MECOM: variants seen among roughly 807,000 people sequenced by gnomAD.
The protein encoded by MECOM is MDS1 and EVI1 complex locus.
In MECOM, 13 loss-of-function variants were observed where a neutral mutation model predicts 116.3. That is an observed-to-expected ratio of 0.11 (90% CI 0.07 to 0.18). MECOM has a LOEUF of 0.18. Ranked by LOEUF, MECOM falls within the 10% of genes least tolerant of loss-of-function variation. The pLI is 1.00. For synonymous variants in MECOM, 528 were observed against 535.2 expected (o/e 0.99, Z 0.19); for missense variants, 1,299 against 1,509.0 (o/e 0.86, Z 2.31).
At chr3:169,236,983 T>C (rs1303527512) in intron 2 of MECOM, among the ~76,000 whole-genome samples, 1 of 152,246 alleles carries the variant, frequency 6.6e-6, no homozygotes, top group African/African-American at 2.4e-5. Flanking sequence ...CTCTCAACTG[T>C]GACCTTTCAC....
chr3:169,089,860 A>G, intron 15 of MECOM, 140 bp downstream of exon 15: 1 of 1,334,114 alleles, frequency 7.5e-7, no homozygotes, highest in East Asian at 2.4e-5. Flanking sequence ...ATCTATTTAA[A>G]TCTGATCCAC....
At chr3:169,126,539 T>A (rs1463806700) in intron 5 of MECOM, among the ~76,000 whole-genome samples, 6 of 152,108 alleles carry the variant, frequency 3.9e-5, no homozygotes, top group Non-Finnish European at 7.4e-5. Context: ...AATTGATTTA[T>A]TCTCTATGAA....
At chr3:169,558,798 C>T (rs1338628146) in intron 1 of MECOM, among the ~76,000 whole-genome samples, 2 of 152,086 alleles carry the variant, frequency 1.3e-5, no homozygotes, top group Non-Finnish European at 2.9e-5. Flanking sequence ...TACTCTCATC[C>T]TTAAGATTCC....
intron 1 of MECOM, among the ~76,000 whole-genome samples, chr3:169,400,336 G>A (rs943266251): frequency 3.9e-5 from 6 of 152,112 alleles, no homozygotes; most frequent in Admixed American, 6.6e-5. Flanking sequence ...GCTGCTAAAT[G>A]GATGTTTACC....
intron 2 of MECOM, among the ~76,000 whole-genome samples, chr3:169,206,112 T>C (rs1450669461): frequency 1.3e-5 from 2 of 152,140 alleles, no homozygotes; most frequent in East Asian, 3.9e-4. Flanking sequence ...TAGTCATGTT[T>C]GTGAATCTCA....
chr3:169,456,008 CT>C (rs1332936426), intron 1 of MECOM, among the ~76,000 whole-genome samples: 1 of 152,112 alleles, frequency 6.6e-6, no homozygotes, highest in Non-Finnish European at 1.5e-5. Context: ...GTTTCTTTTC[CT>C]TTTAAAAAAA....
intron 1 of MECOM, among the ~76,000 whole-genome samples, chr3:169,646,431 G>A (rs1774198395): frequency 6.6e-6 from 1 of 152,012 alleles, no homozygotes; most frequent in African/African-American, 2.4e-5. Flanking sequence ...ACTGCACGTT[G>A]TGCACAGGTA....
chr3:169,317,108 T>A (rs561036517), intron 2 of MECOM, among the ~76,000 whole-genome samples: 20 of 152,300 alleles, frequency 1.3e-4, no homozygotes, highest in African/African-American at 4.6e-4. Flanking sequence ...TCAGAGCAAT[T>A]AAGTCCAGGG....
chr3:169,625,702 T>C (rs1771282481), intron 1 of MECOM, among the ~76,000 whole-genome samples: 1 of 152,234 alleles, frequency 6.6e-6, no homozygotes, highest in Non-Finnish European at 1.5e-5. Flanking sequence ...AGACTCTAAA[T>C]GTCTTCTAAA....
chr3:169,477,148 T>TATACACAC (rs1400596819), intron 1 of MECOM: 1 of 42,500 alleles, frequency 2.4e-5, no homozygotes, highest in African/African-American at 1.1e-4. Flanking sequence ...TATATATATA[T>TATACACAC]ACACACACAC....
intron 2 of MECOM, among the ~76,000 whole-genome samples, chr3:169,379,418 A>G (rs951708837): frequency 6.6e-6 from 1 of 152,134 alleles, no homozygotes; most frequent in Admixed American, 6.6e-5. Flanking sequence ...CTATTTTATA[A>G]AGGTGTCTTG....
intron 1 of MECOM, among the ~76,000 whole-genome samples, chr3:169,454,650 G>A (rs972931446): frequency 6.6e-6 from 1 of 151,956 alleles, no homozygotes; most frequent in African/African-American, 2.4e-5. Context: ...CCTTGAAAAT[G>A]TAATTTAAAA....
intron 2 of MECOM, chr3:169,145,771 T>A (rs996067388): frequency 4.6e-5 from 10 of 216,430 alleles, no homozygotes; most frequent in African/African-American, 2.3e-4. Context: ...ATAAAAATTG[T>A]AGGTGTAATT....
chr3:169,295,801 A>G (rs1185186239), intron 2 of MECOM, among the ~76,000 whole-genome samples: 1 of 152,208 alleles, frequency 6.6e-6, no homozygotes, highest in Non-Finnish European at 1.5e-5. Flanking sequence ...CAAAGCAAAG[A>G]CACCTTTTCA....
chr3:169,569,668 A>C (rs1391653681), intron 1 of MECOM, among the ~76,000 whole-genome samples: 1 of 152,232 alleles, frequency 6.6e-6, no homozygotes, highest in Non-Finnish European at 1.5e-5. Context: ...AGAACTCAGG[A>C]TTAAGAAACT....
At chr3:169,150,160 T>TTTC (rs1458818859) in intron 2 of MECOM, among the ~76,000 whole-genome samples, 1 of 152,206 alleles carries the variant, frequency 6.6e-6, no homozygotes, top group Non-Finnish European at 1.5e-5. Context: ...ACTGGCCTTG[T>TTTC]TTCTCATGAA....
chr3:169,269,728 G>T (rs951103154), intron 2 of MECOM, among the ~76,000 whole-genome samples: 1 of 151,982 alleles, frequency 6.6e-6, no homozygotes, highest in South Asian at 2.1e-4. Context: ...TTTATCTCTG[G>T]CACCCAAGTA....
At chr3:169,651,798 A>G (rs985682328) in intron 1 of MECOM, among the ~76,000 whole-genome samples, 4 of 152,192 alleles carry the variant, frequency 2.6e-5, no homozygotes, top group Non-Finnish European at 4.4e-5. Flanking sequence ...AAAAAAGAAA[A>G]GGCAATTTGC....
At chr3:169,529,474 C>T (rs7640199) in intron 1 of MECOM, among the ~76,000 whole-genome samples, 3,685 of 152,202 alleles carry the variant, frequency 0.024, 140 homozygotes, top group African/African-American at 0.085. Flanking sequence ...ATTGCCAAGG[C>T]TTCCCATATC....
Sources: allele counts gnomAD v4.1 joint callset (sites outside exome capture counted in the v4.1 genomes callset), GRCh38; gene constraint gnomAD v4.1.1; transcripts MANE v1.5; gene names NCBI Gene and HGNC (gene_info 2026-07-23, HGNC 2026-07-21).